Variants in NSUN6 observed in about 807,000 individuals in gnomAD.
The protein encoded by NSUN6 is NOP2/Sun RNA methyltransferase 6.
In NSUN6, 64 loss-of-function variants were observed where a neutral mutation model predicts 58.0. The ratio of observed to expected loss-of-function variants is 1.10; its 90% CI spans 0.90 to 1.36. NSUN6 has a LOEUF of 1.36. NSUN6 is among the 40% of genes most tolerant of loss of function. NSUN6 has a pLI of 0.00. For synonymous variants in NSUN6, 231 were observed against 193.9 expected (o/e 1.19, Z -1.59); for missense variants, 701 against 550.1 (o/e 1.27, Z -2.74).
intron 3 of NSUN6, among the ~76,000 whole-genome samples, chr10:18,632,083 C>T (rs1264677851): frequency 6.7e-6 from 1 of 150,136 alleles, no homozygotes; most frequent in African/African-American, 2.4e-5. Flanking sequence ...CAGAACAGAG[C>T]CCTCAGAAAT....
chr10:18,546,933 G>GGAAGAA (rs2054303214), intron 10 of NSUN6, among the ~76,000 whole-genome samples: 9 of 151,162 alleles, frequency 6.0e-5, no homozygotes, highest in Admixed American at 5.3e-4. Context: ...GACGGGGAGG[G>GGAAGAA]GAAGAAGAAA....
At chr10:18,625,694 C>A (rs531612445) in intron 3 of NSUN6, among the ~76,000 whole-genome samples, 1 of 107,412 alleles carries the variant, frequency 9.3e-6, no homozygotes, top group African/African-American at 3.7e-5. Context: ...GCCTGGGTGA[C>A]AGAGTGAGAC....
At chr10:18,603,319 A>T (rs1343986530) in intron 6 of NSUN6, among the ~76,000 whole-genome samples, 1 of 152,130 alleles carries the variant, frequency 6.6e-6, no homozygotes, top group African/African-American at 2.4e-5. Context: ...TTACTCCACA[A>T]AATGTAATGA....
chr10:18,656,626 A>C (rs915976011), upstream of NSUN6, among the ~76,000 whole-genome samples: 1 of 152,196 alleles, frequency 6.6e-6, no homozygotes, highest in Non-Finnish European at 1.5e-5. Context: ...GTATTATCTG[A>C]AGTTAGTTTG....
At chr10:18,611,679 A>G (rs553641590) in intron 5 of NSUN6, among the ~76,000 whole-genome samples, 1 of 152,016 alleles carries the variant, frequency 6.6e-6, no homozygotes, top group South Asian at 2.1e-4. Context: ...ACAGGCACAC[A>G]CCACCATGCC....
chr10:18,594,258 G>A (rs1022148214), intron 7 of NSUN6, among the ~76,000 whole-genome samples: 2 of 151,250 alleles, frequency 1.3e-5, no homozygotes, highest in African/African-American at 4.9e-5. Flanking sequence ...AACATACTAT[G>A]AAATGGAATT....
In NSUN6 at chr10:18,586,055, T is replaced by C; in HGVS notation, c.816A>G (p.Val272=). Residue 272 remains valine (V), a synonymous_variant, in exon 8 of 11, where the codon GTA becomes GTG. Coordinates refer to ENST00000377304, the MANE Select transcript of NSUN6 (RefSeq NM_182543.5). ...ATAAGGCATTCTGTTTGATTTTTTC[T>C]ACTTTGTTGAAGATTTTATCCAGTG... The part of the protein sequence containing the change: ...VIALDKIFNK[V]EKIKQNALLL... 6.2e-7 allele frequency: 1 copy of C among 1,609,648 alleles called. No homozygotes were observed. Among genetic ancestry groups the C allele is most frequent in the Non-Finnish European group, 8.5e-7 (1 of 1,178,136 alleles).
rs373525672 is a variant in NSUN6 at position 18,545,729 on chromosome 10, T to A, written c.*204A>T. The A allele has an allele frequency of 0.015, 5,130 of 332,632 alleles. No homozygotes were observed. The highest frequency in any genetic ancestry group is 0.049 in the South Asian group (966 of 19,850). The allele number at this position is 332,632 out of a possible 1,614,324, so 20.6% of individuals were successfully genotyped here. On this transcript the variant is annotated 3_prime_UTR_variant, in exon 11 of 11. Transcript: ENST00000377304. ...CTACTAAATACATAAAAAAAAAAAA[T>A]CTTTTAAAAACAGAAAATATAATCT...
chr10:18,557,793 A>G (rs2055157282), intron 8 of NSUN6, among the ~76,000 whole-genome samples: 1 of 151,344 alleles, frequency 6.6e-6, no homozygotes, highest in Admixed American at 6.6e-5. Context: ...GGAATGGATA[A>G]TGGAAGGGAA....
chr10:18,607,602 T>G (rs189222932), intron 6 of NSUN6, among the ~76,000 whole-genome samples: 1 of 152,202 alleles, frequency 6.6e-6, no homozygotes, highest in Non-Finnish European at 1.5e-5. Flanking sequence ...AATATATGAA[T>G]TGCTTAAAGC....
rs368122281 is a variant in NSUN6 at position 18,616,243 on chromosome 10, C to T, written c.362G>A (p.Gly121Asp). The T allele has an allele frequency of 3.1e-6, 5 of 1,611,250 alleles. No homozygotes were observed. The East Asian group carries it at 8.9e-5, about 29-fold the overall frequency. The change falls in exon 4 of 11, where the codon GGC (glycine) becomes GAC (aspartate). Residue 121 changes from glycine (G) to aspartate (D), a missense_variant. By Grantham distance (94) the Gly-to-Asp change is moderately conservative. Coordinates refer to ENST00000377304, the MANE Select transcript of NSUN6 (RefSeq NM_182543.5). ...QCEAIVGAQC[G>D]NAVLRGAHVY... ...ATGGGCTCCTCTTAAAACTGCATTGCCACACTGGGCTCCAACAATGGCTTC... is the reference window on the plus strand; with the variant it reads ...ATGGGCTCCTCTTAAAACTGCATTGTCACACTGGGCTCCAACAATGGCTTC...
At chr10:18,580,157 A>T (rs143801577) in intron 8 of NSUN6, among the ~76,000 whole-genome samples, 1,629 of 152,336 alleles carry the variant, frequency 0.011, 14 homozygotes, top group Middle Eastern at 0.058. Context: ...AAAAACAAAA[A>T]CAACCCTTTG....
At chr10:18,563,887 C>T (rs1234815228) in intron 8 of NSUN6, among the ~76,000 whole-genome samples, 7 of 151,418 alleles carry the variant, frequency 4.6e-5, no homozygotes, top group Admixed American at 2.6e-4. Context: ...ATTCTCCATT[C>T]CATTCCATCC....
intron 6 of NSUN6, among the ~76,000 whole-genome samples, chr10:18,601,071 C>G (rs1247340687): frequency 1.3e-5 from 2 of 148,366 alleles, no homozygotes; most frequent in Non-Finnish European, 3.0e-5. Context: ...ACCTTATGAA[C>G]TACCTCATCT....
chr10:18,656,939 G>A (rs1310605050), upstream of NSUN6, among the ~76,000 whole-genome samples: 1 of 145,906 alleles, frequency 6.9e-6, no homozygotes, highest in African/African-American at 2.5e-5. Context: ...TGAGCCTCTT[G>A]CCTCAGCCAC....
At chr10:18,647,912 A>G (rs1450454627) in intron 2 of NSUN6, among the ~76,000 whole-genome samples, 1 of 151,884 alleles carries the variant, frequency 6.6e-6, no homozygotes, top group African/African-American at 2.4e-5. Context: ...ATTTTTTTAT[A>G]TGTTTTAGTA....
rs2059048233 is a variant in NSUN6, at chr10:18,632,012, A to C, written c.311+10464T>G. On this transcript the variant is annotated intron_variant, in intron 3 of 10. Transcript: ENST00000377304. ...CTACCTGACTTCAAACTATACTACA[A>C]GGCTACAGTAACCAAAACAGCATGG... Among the ~76,000 whole-genome samples the C allele has an allele frequency of 2.0e-5, 3 of 151,892 alleles. No homozygotes were observed. In the South Asian group the frequency reaches 6.2e-4, roughly 32 times the overall value.
chr10:18,560,586 G>C (rs1166015335), intron 8 of NSUN6, among the ~76,000 whole-genome samples: 16 of 150,998 alleles, frequency 1.1e-4, no homozygotes, highest in African/African-American at 2.9e-4. Flanking sequence ...GGATGGTATG[G>C]AGAATGGAAT....
chr10:18,636,632 G>A (rs1473316870), intron 3 of NSUN6, among the ~76,000 whole-genome samples: 1 of 151,988 alleles, frequency 6.6e-6, no homozygotes, highest in Non-Finnish European at 1.5e-5. Context: ...AGTGGCTCAT[G>A]CCTGTAATCC....
Sources: allele counts gnomAD v4.1 joint callset (sites outside exome capture counted in the v4.1 genomes callset), GRCh38; gene constraint gnomAD v4.1.1; transcripts MANE v1.5; gene names NCBI Gene and HGNC (gene_info 2026-07-23, HGNC 2026-07-21).